The following TRAPPC9 variants were observed in gnomAD, a reference collection of about 807,000 sequenced individuals.
TRAPPC9 encodes trafficking protein particle complex subunit 9, also known as IKK2 binding protein.
In TRAPPC9, 83 loss-of-function variants were observed where a neutral mutation model predicts 124.0. The ratio of observed to expected loss-of-function variants is 0.67; its 90% CI spans 0.56 to 0.80. The LOEUF (loss-of-function observed/expected upper bound fraction) is 0.80. TRAPPC9 is among the 30% of genes least tolerant of loss of function. The pLI, the probability that TRAPPC9 is intolerant of heterozygous loss-of-function variation, is 0.00. For missense variants in TRAPPC9, 1,302 were observed against 1,508.3 expected, an observed-to-expected ratio of 0.86 and a Z score of 2.27; for synonymous variants, 638 against 617.5, an observed-to-expected ratio of 1.03 and a Z score of -0.49.
intron 5 of TRAPPC9, among the ~76,000 whole-genome samples, chr8:140,416,124 A>T (rs1430158669): frequency 6.6e-6 from 1 of 152,234 alleles, no homozygotes; most frequent in Non-Finnish European, 1.5e-5. Flanking sequence ...ACCAAAGTTC[A>T]TTCTTAAAAC....
chr8:140,150,569 A>T (rs1353511806), intron 17 of TRAPPC9, among the ~76,000 whole-genome samples: 1 of 152,232 alleles, frequency 6.6e-6, no homozygotes, highest in Admixed American at 6.5e-5. Flanking sequence ...AAATAGACTA[A>T]AGGATTCATC....
Position 139,730,327 on chromosome 8 carries a change from G to C in TRAPPC9, c.*734C>G, listed in dbSNP as rs1231306950. 1 of 152,898 alleles carries C rather than the reference G, an allele frequency of 6.5e-6. No homozygotes were observed. The highest frequency in any genetic ancestry group is 1.5e-5 in the Non-Finnish European group (1 of 68,560). The allele number at this position is 152,898 out of a possible 1,614,324, so 9.5% of individuals were successfully genotyped here. On this transcript the variant is annotated 3_prime_UTR_variant, in exon 23 of 23. Transcript: ENST00000438773. ...GGCCCCGGACTGCACTGGGCTAGCA[G>C]ATGCAGGGAGGCAGGGAGGGGGAGG...
At chr8:140,358,921 C>T (rs2132166589) in intron 9 of TRAPPC9, among the ~76,000 whole-genome samples, 1 of 152,282 alleles carries the variant, frequency 6.6e-6, no homozygotes, top group South Asian at 2.1e-4. Flanking sequence ...GGACAGGAAG[C>T]CCCGGCCCTC....
intron 21 of TRAPPC9, among the ~76,000 whole-genome samples, chr8:139,739,205 C>T (rs555905574): frequency 1.4e-4 from 22 of 152,016 alleles, no homozygotes; most frequent in Admixed American, 1.0e-3. Flanking sequence ...CCGGCAGCAG[C>T]TCAAGCTGGG....
chr8:139,971,722 T>TATACAC lies in TRAPPC9; in HGVS notation c.2810+17003_2810+17004insGTGTAT, dbSNP rs1304501822. The stretch of plus-strand genomic sequence containing the variant: ...GAATGCTAAAGTTCATATATATATA[T>TATACAC]ACACACACACACACACATATATATA... On this transcript the variant is annotated intron_variant, in intron 19 of 22. Transcript: ENST00000438773. Among the ~76,000 whole-genome samples, 166 of 116,044 alleles carry TATACAC rather than the reference T, an allele frequency of 1.4e-3. 1 individual carries two copies. Among genetic ancestry groups the TATACAC allele is most frequent in the African/African-American group, 4.2e-3 (150 of 35,758 alleles). The allele number at this position is 116,044 out of a possible 152,430, so 76.1% of individuals were successfully genotyped here. A position where few individuals can be genotyped will look rare whatever the true frequency, so the allele number is the denominator to read the frequency against.
intron 19 of TRAPPC9, among the ~76,000 whole-genome samples, chr8:139,936,641 G>T (rs1833536957): frequency 6.6e-6 from 1 of 152,232 alleles, no homozygotes; most frequent in South Asian, 2.1e-4. Flanking sequence ...ACTGAGTGTG[G>T]TGATAAAGCA....
Position 139,857,049 on chromosome 8 carries a change from G to C in TRAPPC9, c.3055+28830C>G, listed in dbSNP as rs545649837. Among the ~76,000 whole-genome samples, 17 of 152,208 alleles carry C rather than the reference G, an allele frequency of 1.1e-4. No homozygotes were observed. The East Asian group carries it at 2.5e-3, about 23-fold the overall frequency. The stretch of plus-strand genomic sequence containing the variant: ...GTCGGGACGCCCTGGGAATCTGGGC[G>C]GGGGGAGCTGGTTCAGACAGAGGTG... On this transcript the variant is annotated intron_variant, in intron 21 of 22. Coordinates refer to ENST00000438773, the MANE Select transcript of TRAPPC9 (RefSeq NM_001160372.4).
chr8:140,156,607 T>C (rs1349694829), intron 17 of TRAPPC9, among the ~76,000 whole-genome samples: 1 of 152,238 alleles, frequency 6.6e-6, no homozygotes, highest in African/African-American at 2.4e-5. Context: ...AATATTCGAA[T>C]GGAACTGCTG....
chr8:139,879,426 C>G (rs1345989881), intron 21 of TRAPPC9, among the ~76,000 whole-genome samples: 1 of 152,214 alleles, frequency 6.6e-6, no homozygotes, highest in Admixed American at 6.5e-5. Context: ...AAAACTCACC[C>G]TCTTCTCATG....
At position 139,743,225 on chromosome 8, in the gene TRAPPC9, G is replaced by A. The variant is rs1400923820; in HGVS notation, c.3056-11023C>T. Among the ~76,000 whole-genome samples the A allele has an allele frequency of 2.6e-5, 4 of 152,300 alleles. No homozygotes were observed. The East Asian group carries it at 7.7e-4, about 29-fold the overall frequency. On this transcript the variant is annotated intron_variant, in intron 21 of 22. Transcript: ENST00000438773. ...TCTGTTCACTTGTCCTTCAGGGCATGTCCCCTCAAGGCTGGCTGCTGAAGG... is the reference window on the plus strand; with the variant it reads ...TCTGTTCACTTGTCCTTCAGGGCATATCCCCTCAAGGCTGGCTGCTGAAGG...
At chr8:140,187,069 T>TA (rs1357650099) in intron 17 of TRAPPC9, among the ~76,000 whole-genome samples, 1 of 152,226 alleles carries the variant, frequency 6.6e-6, no homozygotes, top group Non-Finnish European at 1.5e-5. Context: ...GTAAGTGTTT[T>TA]AAAAAGATTT....
chr8:140,210,722 G>A (rs560754498), intron 17 of TRAPPC9, among the ~76,000 whole-genome samples: 5 of 152,202 alleles, frequency 3.3e-5, no homozygotes, highest in South Asian at 2.1e-4. Context: ...ACACCTCTAC[G>A]GCAAGAGCAG....
intron 21 of TRAPPC9, among the ~76,000 whole-genome samples, chr8:139,849,550 T>C (rs1827314411): frequency 6.6e-6 from 1 of 152,276 alleles, no homozygotes; most frequent in African/African-American, 2.4e-5. Context: ...AATGTAAATG[T>C]ATTACATTAC....
chr8:140,198,931 G>A (rs1351380040), intron 17 of TRAPPC9, among the ~76,000 whole-genome samples: 4 of 152,120 alleles, frequency 2.6e-5, no homozygotes, highest in Non-Finnish European at 4.4e-5. Flanking sequence ...TGCAATGAAG[G>A]ACACCACAGT....
At chr8:140,211,142 T>C (rs2063052342) in intron 17 of TRAPPC9, among the ~76,000 whole-genome samples, 1 of 152,144 alleles carries the variant, frequency 6.6e-6, no homozygotes, top group Non-Finnish European at 1.5e-5. Flanking sequence ...CCTGCAGCCC[T>C]AGTGCTTTGG....
chr8:140,154,450 A>G (rs571346080), intron 17 of TRAPPC9, among the ~76,000 whole-genome samples: 9 of 152,224 alleles, frequency 5.9e-5, no homozygotes, highest in Non-Finnish European at 7.4e-5. Context: ...CTCCTCCTCA[A>G]GCGCAGTCCT....
At chr8:139,815,242 C>T (rs1824748296) in intron 21 of TRAPPC9, among the ~76,000 whole-genome samples, 1 of 152,198 alleles carries the variant, frequency 6.6e-6, no homozygotes, top group African/African-American at 2.4e-5. Context: ...CCCTGCCCGC[C>T]TTCCCTGTGG....
chr8:140,401,681 T>C (rs2069277626), intron 6 of TRAPPC9, among the ~76,000 whole-genome samples: 6 of 152,268 alleles, frequency 3.9e-5, no homozygotes, highest in Admixed American at 3.9e-4. Context: ...TGGAGTGCAG[T>C]TGCTTGATCA....
intron 21 of TRAPPC9, among the ~76,000 whole-genome samples, chr8:139,823,214 C>T (rs577564612): frequency 4.6e-5 from 7 of 152,196 alleles, no homozygotes; most frequent in African/African-American, 1.7e-4. Flanking sequence ...ACCCCAGAGG[C>T]GCGAGGTGGG....
Sources: allele counts gnomAD v4.1 joint callset (sites outside exome capture counted in the v4.1 genomes callset), GRCh38; gene constraint gnomAD v4.1.1; transcripts MANE v1.5; gene names NCBI Gene and HGNC (gene_info 2026-07-23, HGNC 2026-07-21).